NTRK1: variants seen among roughly 807,000 people sequenced by gnomAD.
NTRK1 encodes the protein high affinity nerve growth factor receptor.
NTRK1 carries 62 observed loss-of-function variants against 86.8 expected under a neutral mutation model. The observed-to-expected ratio is 0.71, with a 90% CI of 0.58 to 0.88. The LOEUF is 0.88. NTRK1 is among the 40% of genes least tolerant of loss of function. NTRK1 has a pLI of 0.00. For missense variants in NTRK1, 967 were observed against 1,078.4 expected, an observed-to-expected ratio of 0.90 and a Z score of 1.45; for synonymous variants, 469 against 456.6, an observed-to-expected ratio of 1.03 and a Z score of -0.35.
At chr1:156,841,129 A>T in intron 1 of NTRK1, 1 of 1,528,754 alleles carries the variant, frequency 6.5e-7, no homozygotes, top group East Asian at 2.4e-5. Context: ...GAGCAGGGTC[A>T]GAGGCATCCG....
At chr1:156,822,132 A>C (rs1302691205) in intron 1 of NTRK1, among the ~76,000 whole-genome samples, 1 of 152,214 alleles carries the variant, frequency 6.6e-6, no homozygotes, top group African/African-American at 2.4e-5. Flanking sequence ...AAAGAATCTA[A>C]GGAAACATAC....
chr1:156,860,814 C>A (rs1558095563), upstream of NTRK1: 3 of 1,341,468 alleles, frequency 2.2e-6, no homozygotes, highest in East Asian at 3.1e-5. Flanking sequence ...CCGCTGGCTC[C>A]GCCCTTTCCT....
At chr1:156,864,002 C>T (rs766838448) in intron 1 of NTRK1, among the ~76,000 whole-genome samples, 15 of 152,064 alleles carry the variant, frequency 9.9e-5, no homozygotes, top group East Asian at 9.7e-4. Flanking sequence ...AGGTGCATGG[C>T]GTCATCTGTG....
rs1472915657 is a variant in NTRK1 at position 156,854,894 on chromosome 1, C to G, written c.51-9460C>G. ...TTATAACCCCCCGTGACTTCCATCT[C>G]TCTTGATCTTACTACAGCCTACAGG... On this transcript the variant is annotated intron_variant, in intron 2 of 16. Coordinates refer to the NTRK1 transcript ENST00000392302. The surrounding 1 kb of genome is among the most constrained non-coding windows in gnomAD (Gnocchi z 4.2). Among the ~76,000 whole-genome samples the G allele has an allele frequency of 1.3e-5, 2 of 152,176 alleles. No homozygotes were observed. The highest frequency in any genetic ancestry group is 2.9e-5 in the Non-Finnish European group (2 of 68,028).
upstream of NTRK1, chr1:156,858,775 G>A (rs2102875608): frequency 4.7e-6 from 3 of 640,380 alleles, no homozygotes; most frequent in Middle Eastern, 6.8e-4. Flanking sequence ...AGAGACAGCA[G>A]GAGACAGAAA....
chr1:156,874,063 G>C (rs577553844), intron 8 of NTRK1, 104 bp downstream of exon 8: 2 of 1,236,102 alleles, frequency 1.6e-6, no homozygotes, highest in Non-Finnish European at 2.3e-6. Context: ...TGCCTGGTTC[G>C]GGACAGAAAG....
At chr1:156,845,206 A>C (rs1387901700) in intron 2 of NTRK1, 2 of 1,609,746 alleles carry the variant, frequency 1.2e-6, no homozygotes, top group Non-Finnish European at 8.5e-7. Context: ...CCGCTCGCTC[A>C]CGGGGCACCT....
chr1:156,845,999 C>T, intron 2 of NTRK1: 1 of 1,614,062 alleles, frequency 6.2e-7, no homozygotes, highest in Non-Finnish European at 8.5e-7. Flanking sequence ...CTCTGCCAGC[C>T]GCTGCCACAG....
At chr1:156,818,241 A>AT (rs1424782313) in intron 1 of NTRK1, among the ~76,000 whole-genome samples, 1 of 152,032 alleles carries the variant, frequency 6.6e-6, no homozygotes, top group African/African-American at 2.4e-5. Context: ...GAAAAAAAAA[A>AT]CTTTGTTTCA....
intron 2 of NTRK1, among the ~76,000 whole-genome samples, chr1:156,850,551 T>C (rs961990036): frequency 7.5e-5 from 9 of 119,700 alleles, no homozygotes; most frequent in African/African-American, 3.1e-4. Context: ...TTTTTTTTTT[T>C]TTTTTTTTTT....
At chr1:156,849,131 G>C (rs891738140) in intron 2 of NTRK1, 5 of 1,597,424 alleles carry the variant, frequency 3.1e-6, no homozygotes, top group Non-Finnish European at 3.4e-6. Context: ...CCCATTCCCA[G>C]TGAGACCTCT....
intron 1 of NTRK1, among the ~76,000 whole-genome samples, chr1:156,820,395 C>T (rs1019713236): frequency 5.9e-5 from 9 of 152,126 alleles, no homozygotes; most frequent in African/African-American, 1.9e-4. Flanking sequence ...TACAGGCATG[C>T]GCCACCACAC....
At chr1:156,825,887 G>A (rs1571641780) in intron 1 of NTRK1, among the ~76,000 whole-genome samples, 2 of 152,298 alleles carry the variant, frequency 1.3e-5, no homozygotes, top group East Asian at 3.9e-4. Context: ...GGCCCATGAA[G>A]TGGGTGCTAT....
chr1:156,876,993 A>AT (rs557871748), intron 14 of NTRK1, among the ~76,000 whole-genome samples: 11 of 152,254 alleles, frequency 7.2e-5, no homozygotes, highest in Non-Finnish European at 4.4e-5. Context: ...ATAATTTATT[A>AT]TTTTTTATTT....
chr1:156,880,768 T>C (rs150494155), intron 16 of NTRK1, among the ~76,000 whole-genome samples: 2 of 152,108 alleles, frequency 1.3e-5, no homozygotes, highest in Non-Finnish European at 2.9e-5. Flanking sequence ...AGAGAAGAAA[T>C]GGAATTAGTG....
chr1:156,819,894 G>A (rs1654136568), intron 1 of NTRK1, among the ~76,000 whole-genome samples: 6 of 152,158 alleles, frequency 3.9e-5, no homozygotes, highest in Admixed American at 3.9e-4. Flanking sequence ...TGCACAGCTT[G>A]AGAATGTTTT....
intron 2 of NTRK1, chr1:156,851,337 G>A (rs752601360): frequency 2.5e-6 from 4 of 1,614,056 alleles, no homozygotes; most frequent in Non-Finnish European, 3.4e-6. Context: ...TCTTGAAAAA[G>A]CCCAGGGACA....
At chr1:156,871,088 A>G (rs1366575095) in intron 6 of NTRK1, among the ~76,000 whole-genome samples, 1 of 152,228 alleles carries the variant, frequency 6.6e-6, no homozygotes, top group Non-Finnish European at 1.5e-5. Context: ...TAAAACAGGA[A>G]TGAATAGGCA....
intron 1 of NTRK1, among the ~76,000 whole-genome samples, chr1:156,862,373 C>T (rs1034006243): frequency 6.6e-6 from 1 of 152,136 alleles, no homozygotes; most frequent in African/African-American, 2.4e-5. Flanking sequence ...AGTCCTAGTC[C>T]AGTTCTCTCA....
Sources: gnomAD v4.1 joint callset for allele counts (sites outside exome capture counted in the v4.1 genomes callset) on GRCh38, gnomAD v4.1.1 for gene constraint, Gnocchi (gnomAD v3.1) non-coding constraint, MANE v1.5 for transcripts, NCBI Gene and HGNC (gene_info 2026-07-23, HGNC 2026-07-21) for gene names.